The following ARL15 variants were observed in gnomAD, a reference collection of about 807,000 sequenced individuals.
ARL15 encodes the protein ARF like GTPase 15.
A neutral mutation model predicts 25.2 loss-of-function variants in ARL15; 19 were observed. The ratio of observed to expected loss-of-function variants is 0.75; its 90% CI spans 0.53 to 1.10. ARL15 has a LOEUF of 1.10. Among genes scored for constraint, ARL15 ranks in the 50% least tolerant of loss-of-function variants. ARL15 has a pLI of 0.00. For missense variants in ARL15, 220 were observed against 246.0 expected (o/e 0.89, Z 0.71); for synonymous variants, 94 against 86.8 (o/e 1.08, Z -0.46).
intron 4 of ARL15, among the ~76,000 whole-genome samples, chr5:53,917,346 A>G (rs551862102): frequency 1.2e-4 from 19 of 152,330 alleles, no homozygotes; most frequent in African/African-American, 4.1e-4. Flanking sequence ...CCATTGGCTC[A>G]AGCCTGGATG....
At chr5:53,925,296 A>C (rs1745984835) in intron 4 of ARL15, among the ~76,000 whole-genome samples, 1 of 151,972 alleles carries the variant, frequency 6.6e-6, no homozygotes, top group Admixed American at 6.6e-5. Context: ...TCCAAGCTCA[A>C]GTGATCCTCC....
chr5:54,043,639 A>C (rs1750411679), intron 4 of ARL15, among the ~76,000 whole-genome samples: 1 of 152,190 alleles, frequency 6.6e-6, no homozygotes, highest in Non-Finnish European at 1.5e-5. Flanking sequence ...CATTTCCATC[A>C]TAGGGAAAGA....
chr5:54,184,953 TA>T (rs933094397), intron 1 of ARL15, among the ~76,000 whole-genome samples: 32 of 152,236 alleles, frequency 2.1e-4, no homozygotes, highest in African/African-American at 7.5e-4. Context: ...TCCCGTGATT[TA>T]AAATCTTTCT....
chr5:54,146,090 T>C (rs1579845959), intron 3 of ARL15, among the ~76,000 whole-genome samples: 1 of 152,128 alleles, frequency 6.6e-6, no homozygotes, highest in South Asian at 2.1e-4. Flanking sequence ...AAGGAAAACA[T>C]CAGAGTGATA....
chr5:54,107,003 A>G (rs1427680257), intron 4 of ARL15, among the ~76,000 whole-genome samples: 3 of 152,146 alleles, frequency 2.0e-5, no homozygotes, highest in African/African-American at 7.2e-5. Context: ...TGATAAAGAC[A>G]TACTCAAGAC....
chr5:54,306,507 C>T (rs1437951845), intron 1 of ARL15, among the ~76,000 whole-genome samples: 1 of 151,640 alleles, frequency 6.6e-6, no homozygotes, highest in Admixed American at 6.6e-5. Context: ...TCTCCTGCCT[C>T]AGCCTCCCAA....
chr5:54,304,613 G>A (rs35947), intron 1 of ARL15, among the ~76,000 whole-genome samples: 51,149 of 151,960 alleles, frequency 0.34, 8,839 homozygotes, highest in Middle Eastern at 0.4. Context: ...CTAATGGTAC[G>A]GATTTGCTCA....
chr5:54,293,357 T>C (rs902796678), intron 1 of ARL15, among the ~76,000 whole-genome samples: 1 of 152,080 alleles, frequency 6.6e-6, no homozygotes, highest in African/African-American at 2.4e-5. Context: ...ATAATAATAA[T>C]AAACGTGTAA....
intron 1 of ARL15, among the ~76,000 whole-genome samples, chr5:54,221,675 C>G (rs1002483005): frequency 6.6e-6 from 1 of 152,074 alleles, no homozygotes. Flanking sequence ...GAATCCCACT[C>G]TTCTTAAGCA....
chr5:53,999,023 T>A (rs962481090), intron 4 of ARL15, among the ~76,000 whole-genome samples: 2 of 152,112 alleles, frequency 1.3e-5, no homozygotes, highest in Admixed American at 6.6e-5. Flanking sequence ...GAGTAACATT[T>A]GGATCTGGAG....
chr5:53,952,156 G>A (rs193127720), intron 4 of ARL15, among the ~76,000 whole-genome samples: 4 of 152,080 alleles, frequency 2.6e-5, no homozygotes, highest in Admixed American at 6.5e-5. Context: ...CCAGCTACTC[G>A]GGAGGCTAAG....
At chr5:54,283,819 T>C (rs1284992723) in intron 1 of ARL15, among the ~76,000 whole-genome samples, 1 of 152,238 alleles carries the variant, frequency 6.6e-6, no homozygotes, top group African/African-American at 2.4e-5. Context: ...GGGTTAAGTG[T>C]TGTCCTGTGA....
chr5:54,091,418 A>G (rs1006868942), intron 4 of ARL15, among the ~76,000 whole-genome samples: 6 of 152,160 alleles, frequency 3.9e-5, no homozygotes, highest in African/African-American at 1.4e-4. Flanking sequence ...TAAGGTCGGT[A>G]AAGAAATTTT....
chr5:54,089,004 T>C (rs931422783), intron 4 of ARL15, among the ~76,000 whole-genome samples: 5 of 152,170 alleles, frequency 3.3e-5, no homozygotes, highest in African/African-American at 1.2e-4. Flanking sequence ...ATATGGAGTG[T>C]TGTCGCATAT....
intron 4 of ARL15, among the ~76,000 whole-genome samples, chr5:54,085,888 C>T (rs991351717): frequency 2.7e-5 from 4 of 150,422 alleles, no homozygotes; most frequent in Admixed American, 2.7e-4. Context: ...CTCTCCTAAG[C>T]GTCCCATGGC....
chr5:54,267,043 C>A (rs978354853), intron 1 of ARL15, among the ~76,000 whole-genome samples: 3 of 152,154 alleles, frequency 2.0e-5, no homozygotes, highest in Admixed American at 6.5e-5. Context: ...TGGGTCTCAA[C>A]ACAGAGCTAC....
At chr5:53,979,025 C>T (rs1475222457) in intron 4 of ARL15, among the ~76,000 whole-genome samples, 1 of 152,110 alleles carries the variant, frequency 6.6e-6, no homozygotes, top group Non-Finnish European at 1.5e-5. Context: ...GACTTTGTGT[C>T]TTTATCAAGG....
In ARL15 at chr5:54,128,843, C is replaced by T. The variant is rs1753346616; in HGVS notation, c.254-15433G>A. Among the ~76,000 whole-genome samples, 6 of 151,436 alleles carry T rather than the reference C, an allele frequency of 4.0e-5. No homozygotes were observed. In the South Asian group the frequency reaches 1.2e-3, roughly 32 times the overall value. On this transcript the variant is annotated intron_variant, in intron 3 of 4. Transcript: ENST00000504924. ...GCCTCAGCCTCCCGAGTAGCTGGGA[C>T]TACAGATGAGTGCCACCACGCCCGG... is the stretch of plus-strand genomic sequence containing the variant.
chr5:54,233,690 T>C (rs1756729571), intron 1 of ARL15, among the ~76,000 whole-genome samples: 1 of 152,236 alleles, frequency 6.6e-6, no homozygotes, highest in African/African-American at 2.4e-5. Flanking sequence ...AACTAGCCCC[T>C]AAGGAACTAC....
Sources: allele counts gnomAD v4.1 joint callset (sites outside exome capture counted in the v4.1 genomes callset), GRCh38; gene constraint gnomAD v4.1.1; transcripts MANE v1.5; gene names NCBI Gene and HGNC (gene_info 2026-07-23, HGNC 2026-07-21).